Variants in TRPS1 observed in about 807,000 individuals in gnomAD.
The protein encoded by TRPS1 is zinc finger transcription factor Trps1.
TRPS1 carries 6 observed loss-of-function variants against 101.2 expected under a neutral mutation model. The ratio of observed to expected loss-of-function variants is 0.06; its 90% confidence interval spans 0.03 to 0.12. TRPS1 has a LOEUF of 0.12. TRPS1 is among the 10% of genes least tolerant of loss of function. TRPS1 has a pLI of 1.00. For missense variants in TRPS1, 1,363 were observed against 1,567.0 expected, an observed-to-expected ratio of 0.87 and a Z score of 2.20; for synonymous variants, 578 against 589.8, an observed-to-expected ratio of 0.98 and a Z score of 0.29.
At chr8:115,481,086 C>G (rs911449939) in intron 5 of TRPS1, among the ~76,000 whole-genome samples, 1 of 151,876 alleles carries the variant, frequency 6.6e-6, no homozygotes, top group South Asian at 2.1e-4. Context: ...TGCTGTTTAT[C>G]TTTCTACAAG....
chr8:115,555,781 T>C (rs1191908094), intron 5 of TRPS1, among the ~76,000 whole-genome samples: 2 of 152,054 alleles, frequency 1.3e-5, no homozygotes, highest in Non-Finnish European at 2.9e-5. Context: ...AGTGGGCAGA[T>C]TGCTTGAGTC....
At chr8:115,621,190 G>A (rs6999068) in intron 2 of TRPS1, among the ~76,000 whole-genome samples, 8,811 of 152,164 alleles carry the variant, frequency 0.058, 801 homozygotes, top group African/African-American at 0.19. Context: ...AAGGCTGGTC[G>A]AGGACTGGGT....
chr8:115,481,691 T>C (rs1473299282), intron 5 of TRPS1, among the ~76,000 whole-genome samples: 2 of 152,210 alleles, frequency 1.3e-5, no homozygotes, highest in African/African-American at 2.4e-5. Context: ...AGATTGACTA[T>C]GTTTAGAACT....
intron 5 of TRPS1, among the ~76,000 whole-genome samples, chr8:115,454,321 C>A (rs1373193091): frequency 6.6e-6 from 1 of 152,212 alleles, no homozygotes; most frequent in Non-Finnish European, 1.5e-5. Flanking sequence ...AATTATCCTA[C>A]TTGTACTACT....
At chr8:115,620,638 G>C (rs1162611388) in intron 2 of TRPS1, among the ~76,000 whole-genome samples, 2 of 152,190 alleles carry the variant, frequency 1.3e-5, no homozygotes, top group Admixed American at 6.5e-5. Context: ...CAAAAAGACA[G>C]AAACAGCTAT....
At chr8:115,667,126 G>A (rs1050515751) in intron 1 of TRPS1, among the ~76,000 whole-genome samples, 4 of 152,140 alleles carry the variant, frequency 2.6e-5, no homozygotes, top group African/African-American at 9.7e-5. Flanking sequence ...ATAGAGGGAA[G>A]TAAAGCCGGT....
At chr8:115,576,312 TATAGATCTAG>T (rs1371841721) in intron 5 of TRPS1, among the ~76,000 whole-genome samples, 11 of 147,930 alleles carry the variant, frequency 7.4e-5, no homozygotes, top group African/African-American at 1.3e-4. Flanking sequence ...TAGATATAGA[TATAGATCTAG>T]ATCTTTGGAC....
At chr8:115,578,350 C>A (rs1176972916) in intron 5 of TRPS1, among the ~76,000 whole-genome samples, 1 of 151,998 alleles carries the variant, frequency 6.6e-6, no homozygotes, top group African/African-American at 2.4e-5. Flanking sequence ...CGTTAAATAC[C>A]ATTTGTTATA....
At chr8:115,541,379 C>T (rs565630563) in intron 5 of TRPS1, among the ~76,000 whole-genome samples, 9 of 152,108 alleles carry the variant, frequency 5.9e-5, no homozygotes, top group African/African-American at 9.7e-5. Context: ...TCACCACGAA[C>T]GATAAAGAAC....
In TRPS1 at chr8:115,413,861, A is replaced by C; in HGVS notation, c.*162T>G. ...TTTATCTCACTTTTTAATCTTGGTA[A>C]CCTACTCATCAAAAGAAAGAATAAC... On this transcript the variant is annotated 3_prime_UTR_variant, in exon 7 of 7. Coordinates refer to ENST00000395715, the MANE Select transcript of TRPS1 (RefSeq NM_014112.5). 4.4e-6 allele frequency: 3 copies of C among 674,806 alleles called. No homozygotes were observed. Among genetic ancestry groups the C allele is most frequent in the Non-Finnish European group, 7.4e-6 (3 of 405,578 alleles). 41.8% of individuals were successfully genotyped at this position (674,806 alleles called of 1,614,324 possible).
At chr8:115,458,734 G>T (rs949129335) in intron 5 of TRPS1, among the ~76,000 whole-genome samples, 1 of 152,192 alleles carries the variant, frequency 6.6e-6, no homozygotes, top group Non-Finnish European at 1.5e-5. Flanking sequence ...AGCATGGCAG[G>T]CTACTGTATT....
chr8:115,432,223 A>G (rs1342763719), intron 5 of TRPS1, among the ~76,000 whole-genome samples: 1 of 151,048 alleles, frequency 6.6e-6, no homozygotes, highest in African/African-American at 2.4e-5. Flanking sequence ...TGACACTTCA[A>G]GGACCCAGCA....
chr8:115,438,789 CTT>C (rs533058190), intron 5 of TRPS1, among the ~76,000 whole-genome samples: 1 of 152,096 alleles, frequency 6.6e-6, no homozygotes, highest in Non-Finnish European at 1.5e-5. Flanking sequence ...CCCTTTTCTG[CTT>C]TGTTTCATTC....
intron 5 of TRPS1, among the ~76,000 whole-genome samples, chr8:115,481,767 C>G (rs1352819271): frequency 1.3e-5 from 2 of 152,132 alleles, no homozygotes; most frequent in African/African-American, 2.4e-5. Context: ...GTTTTTCCCC[C>G]CTCTGAGTTT....
In TRPS1 at chr8:115,461,640, T is replaced by G. The variant is rs894355921; in HGVS notation, c.2701-43188A>C. Reference sequence around the variant, plus strand: ...TCTCTTAAGTCAATTAATATTTCTGTGCCTCAGATTTCTTCAATTTAGTTG... The same window carrying G: ...TCTCTTAAGTCAATTAATATTTCTGGGCCTCAGATTTCTTCAATTTAGTTG... On this transcript the variant is annotated intron_variant, in intron 5 of 6. Coordinates refer to ENST00000395715, the MANE Select transcript of TRPS1 (RefSeq NM_014112.5). Among the ~76,000 whole-genome samples, 4 of 152,208 alleles carry G rather than the reference T, an allele frequency of 2.6e-5. No individual in the cohort carries two copies. The East Asian group carries it at 7.7e-4, about 29-fold the overall frequency.
At chr8:115,544,448 C>T (rs1586386338) in intron 5 of TRPS1, among the ~76,000 whole-genome samples, 1 of 151,998 alleles carries the variant, frequency 6.6e-6, no homozygotes, top group Non-Finnish European at 1.5e-5. Flanking sequence ...CTGTACCTCC[C>T]TGGCATCTGC....
Position 115,418,297 on chromosome 8 carries a change from A to C in TRPS1, c.2823+33T>G. On this transcript the variant is annotated intron_variant, in intron 6 of 6. Coordinates refer to ENST00000395715, the MANE Select transcript of TRPS1 (RefSeq NM_014112.5). The surrounding 1 kb of genome is among the most constrained non-coding windows in gnomAD (Gnocchi z 4.3). ...AGACCAGGCCAACACTGCTTTATAA[A>C]GCTTTTCCTGAAAGAGTGGAACAAG... 6.2e-7 allele frequency: 1 copy of C among 1,614,022 alleles called. No individual in the cohort carries two copies.
intron 5 of TRPS1, among the ~76,000 whole-genome samples, chr8:115,450,360 C>A (rs1445025631): frequency 6.6e-6 from 1 of 152,146 alleles, no homozygotes; most frequent in East Asian, 1.9e-4. Context: ...ACAGGCCTCA[C>A]CGACCATCTT....
chr8:115,423,434 A>G (rs1320133906), intron 5 of TRPS1, among the ~76,000 whole-genome samples: 1 of 152,238 alleles, frequency 6.6e-6, no homozygotes, highest in African/African-American at 2.4e-5. Context: ...TATTTCAAAT[A>G]TTATAGCCAC....
Sources: gnomAD v4.1 joint callset for allele counts (sites outside exome capture counted in the v4.1 genomes callset) on GRCh38, gnomAD v4.1.1 for gene constraint, Gnocchi (gnomAD v3.1) non-coding constraint, MANE v1.5 for transcripts, NCBI Gene and HGNC (gene_info 2026-07-23, HGNC 2026-07-21) for gene names.